PLAGL1: variants seen among roughly 807,000 people sequenced by gnomAD.
The protein encoded by PLAGL1 is PLAG1 like zinc finger 1.
A neutral mutation model predicts 4.6 loss-of-function variants in PLAGL1; 1 was observed. That is an observed-to-expected ratio of 0.22 (90% CI 0.08 to 1.03). The LOEUF (loss-of-function observed/expected upper bound fraction) is 1.03. Among genes scored for constraint, PLAGL1 ranks in the 50% least tolerant of loss-of-function variants. The pLI, the probability that PLAGL1 is intolerant of heterozygous loss-of-function variation, is 0.58. For synonymous variants in PLAGL1, 240 were observed against 237.8 expected, an observed-to-expected ratio of 1.01 and a Z score of -0.08; for missense variants, 464 against 570.4, an observed-to-expected ratio of 0.81 and a Z score of 1.90.
intron 1 of PLAGL1, among the ~76,000 whole-genome samples, chr6:144,043,353 A>G (rs1797883995): frequency 6.6e-6 from 1 of 152,202 alleles, no homozygotes; most frequent in Non-Finnish European, 1.5e-5. Context: ...TGTCCCATCA[A>G]TACCTAGTTT....
In PLAGL1 at chr6:143,982,365, G is replaced by T. The variant is rs904818676; in HGVS notation, c.-544+2770C>A. ...AACTCGATGCAGAAACAAGAAAACT[G>T]GTATGGCTAAAGCAGTCAGTGAAGG... On this transcript the variant is annotated intron_variant, in intron 2 of 7. Transcript: ENST00000674357. This position sits in a 1 kb window ranked among gnomAD's most constrained non-coding sequence, Gnocchi z 5.3. Among the ~76,000 whole-genome samples the T allele has an allele frequency of 6.6e-6, 1 of 152,060 alleles. No homozygotes were observed. The highest frequency in any genetic ancestry group is 1.5e-5 in the Non-Finnish European group (1 of 68,004).
At chr6:143,956,284 C>T (rs116869593) in intron 6 of PLAGL1, among the ~76,000 whole-genome samples, 81 of 152,284 alleles carry the variant, frequency 5.3e-4, no homozygotes, top group Non-Finnish European at 9.9e-4. Context: ...TGCAGCTAGA[C>T]TGAGACTCCC....
At position 143,975,274 on chromosome 6, in the gene PLAGL1, C is replaced by G. The variant is rs979064527; in HGVS notation, c.-543-6296G>C. ...AGTTTTTGAGGCCAATGGGTTGTAC[C>G]ACTTCCATTCAATGAGGTAGTTGCT... On this transcript the variant is annotated intron_variant, in intron 2 of 7. Transcript: ENST00000674357. This position sits in a 1 kb window ranked among gnomAD's most constrained non-coding sequence, Gnocchi z 5.8. 2.0e-5 allele frequency among the ~76,000 whole-genome samples: 3 copies of G among 152,126 alleles called. No individual in the cohort carries two copies. Among genetic ancestry groups the G allele is most frequent in the African/African-American group, 7.2e-5 (3 of 41,428 alleles).
rs1419872563 is a variant in PLAGL1, at chr6:144,064,328, C to A, written c.-151+140G>T. On this transcript the variant is annotated intron_variant, in intron 1 of 3. Transcript: ENST00000437412. This position sits in a 1 kb window ranked among gnomAD's most constrained non-coding sequence, Gnocchi z 6.8. ...GGCTACCTCGCCTGGCCCGCGGACT[C>A]CGCGCGGCACGTGGGCACCTGCGGC... 6.6e-6 allele frequency: 1 copy of A among 152,136 alleles called. No individual in the cohort carries two copies. Among genetic ancestry groups the A allele is most frequent in the African/African-American group, 2.4e-5 (1 of 41,412 alleles). The allele number at this position is 152,136 out of a possible 1,614,324, so 9.4% of individuals were successfully genotyped here. A position where few individuals can be genotyped will look rare whatever the true frequency, so the allele number is the denominator to read the frequency against.
chr6:144,008,425 C>G (rs568512232), upstream of PLAGL1: 7 of 151,906 alleles, frequency 4.6e-5, no homozygotes, highest in South Asian at 2.1e-4. The surrounding 1 kb of genome is among the most constrained non-coding windows in gnomAD (Gnocchi z 6.9). Context: ...ACGGCGCGGC[C>G]GCGAGGAGGG....
rs552927704 is a variant in PLAGL1, at chr6:143,958,021, G to A, written c.-325+2448C>T. 2.8e-4 allele frequency among the ~76,000 whole-genome samples: 43 copies of A among 152,302 alleles called. No homozygotes were observed. In the South Asian group the frequency reaches 7.5e-3, roughly 26 times the overall value. On this transcript the variant is annotated intron_variant, in intron 6 of 7. Transcript: ENST00000674357. The surrounding 1 kb of genome is among the most constrained non-coding windows in gnomAD (Gnocchi z 5.1). Reference sequence around the variant, plus strand: ...CAGAGGGGAGAACAGAGAAGAGCTCGGAGTCATGAAGCAGCATAGGGCAAT... The same window carrying A: ...CAGAGGGGAGAACAGAGAAGAGCTCAGAGTCATGAAGCAGCATAGGGCAAT...
chr6:144,045,688 G>A (rs938087169), intron 1 of PLAGL1, among the ~76,000 whole-genome samples: 2 of 152,150 alleles, frequency 1.3e-5, no homozygotes, highest in Non-Finnish European at 2.9e-5. Context: ...TTCTCAAGGA[G>A]TATCTTTGTG....
rs1788370677 is a variant in PLAGL1 at position 143,983,431 on chromosome 6, G to A, written c.-544+1704C>T. Among the ~76,000 whole-genome samples the A allele has an allele frequency of 2.0e-5, 3 of 152,140 alleles. No individual in the cohort carries two copies. The highest frequency in any genetic ancestry group is 6.6e-5 in the Admixed American group (1 of 15,252). ...CAGGGAGGTGGGAATGCATGATGCA[G>A]GAGAGAGAAGGGACAACTACTGTAG... On this transcript the variant is annotated intron_variant, in intron 2 of 7. Transcript: ENST00000674357. This position sits in a 1 kb window ranked among gnomAD's most constrained non-coding sequence, Gnocchi z 6.6.
Position 144,039,652 on chromosome 6 carries a change from G to A in PLAGL1, c.-151+24816C>T, listed in dbSNP as rs1370344205. Among the ~76,000 whole-genome samples the A allele has an allele frequency of 6.6e-6, 1 of 152,106 alleles. No individual in the cohort carries two copies. The highest frequency in any genetic ancestry group is 1.9e-4 in the East Asian group (1 of 5,196). On this transcript the variant is annotated intron_variant, in intron 1 of 3. Transcript: ENST00000437412. This position sits in a 1 kb window ranked among gnomAD's most constrained non-coding sequence, Gnocchi z 4.1. ...CCAAAAATGAAAAGGTTGACAAGGAGAGATTTACACTTCTGATAGGGGTAT... is the reference window on the plus strand; with the variant it reads ...CCAAAAATGAAAAGGTTGACAAGGAAAGATTTACACTTCTGATAGGGGTAT...
chr6:143,948,796 A>AAATG lies in PLAGL1; in HGVS notation c.-324-337_-324-336insCATT, dbSNP rs60686744. 3.3e-5 allele frequency among the ~76,000 whole-genome samples: 5 copies of AAATG among 151,470 alleles called. No homozygotes were observed. The highest frequency in any genetic ancestry group is 6.6e-5 in the Admixed American group (1 of 15,220). On this transcript the variant is annotated intron_variant, in intron 6 of 7. Coordinates refer to ENST00000674357, the MANE Select transcript of PLAGL1 (RefSeq NM_001317162.2). The surrounding 1 kb of genome is among the most constrained non-coding windows in gnomAD (Gnocchi z 6.0). ...AACAACAACAACAACAACAACAAAC[A>AAATG]AAAACCTCCCTCCCTCAGTGTGTTC...
At position 144,000,150 on chromosome 6, in the gene PLAGL1, C is replaced by T. The variant is rs530846305; in HGVS notation, c.-584+7940G>A. 6.6e-6 allele frequency among the ~76,000 whole-genome samples: 1 copy of T among 152,028 alleles called. No individual in the cohort carries two copies. The highest frequency in any genetic ancestry group is 1.5e-5 in the Non-Finnish European group (1 of 67,978). On this transcript the variant is annotated intron_variant, in intron 1 of 7. Coordinates refer to ENST00000674357, the MANE Select transcript of PLAGL1 (RefSeq NM_001317162.2). The surrounding 1 kb of genome is among the most constrained non-coding windows in gnomAD (Gnocchi z 4.1). ...CTAGAAGAAGAGAACTTTAAATATC[C>T]CGCAACAACATCACACTAAGCTTCA... is the stretch of plus-strand genomic sequence containing the variant.
At chr6:143,944,580 T>C (rs961332506) in intron 7 of PLAGL1, among the ~76,000 whole-genome samples, 17 of 152,076 alleles carry the variant, frequency 1.1e-4, no homozygotes, top group Non-Finnish European at 2.2e-4. Context: ...ACCAATACGA[T>C]GGGCATCTGA....
At chr6:144,035,366 C>T (rs1797144752) in intron 1 of PLAGL1, among the ~76,000 whole-genome samples, 1 of 152,196 alleles carries the variant, frequency 6.6e-6, no homozygotes, top group South Asian at 2.1e-4. Flanking sequence ...GTCCAAGAGT[C>T]CAAAAGCTGA....
rs1281508768 is a variant in PLAGL1 at position 144,027,263 on chromosome 6, G to GAA, written c.-151+37203_-151+37204dup. Among the ~76,000 whole-genome samples, 1 of 145,396 alleles carries GAA rather than the reference G, an allele frequency of 6.9e-6. No individual in the cohort carries two copies. Among genetic ancestry groups the GAA allele is most frequent in the East Asian group, 1.9e-4 (1 of 5,150 alleles). On this transcript the variant is annotated intron_variant, in intron 1 of 3. Coordinates refer to the PLAGL1 transcript ENST00000437412. The surrounding 1 kb of genome is among the most constrained non-coding windows in gnomAD (Gnocchi z 5.8). The stretch of plus-strand genomic sequence containing the variant: ...AGAAAGAAAGAAAGAAAGAAAGAAA[G>GAA]AAAGAAAGAAAGAAAGAAAGAAAGA...
intron 1 of PLAGL1, among the ~76,000 whole-genome samples, chr6:143,986,560 A>G (rs1258079857): frequency 6.6e-6 from 1 of 152,194 alleles, no homozygotes; most frequent in Non-Finnish European, 1.5e-5. Flanking sequence ...TGAACAGATA[A>G]AAGCTTCAAA....
In PLAGL1 at chr6:144,027,275, GAA is replaced by G. The variant is rs1452616847; in HGVS notation, c.-151+37191_-151+37192del. Among the ~76,000 whole-genome samples, 56 of 146,430 alleles carry G rather than the reference GAA, an allele frequency of 3.8e-4. 1 individual carries two copies. The highest frequency in any genetic ancestry group is 3.6e-3 in the Middle Eastern group (1 of 280). On this transcript the variant is annotated intron_variant, in intron 1 of 3. Transcript: ENST00000437412. The surrounding 1 kb of genome is among the most constrained non-coding windows in gnomAD (Gnocchi z 5.8). The stretch of plus-strand genomic sequence containing the variant: ...AGAAAGAAAGAAAGAAAGAAAGAAA[GAA>G]AGAAAGAAAGAAAGAAAGTTATTTG...
rs916164179 is a variant in PLAGL1 at position 143,966,478 on chromosome 6, G to A, written c.-471-280C>T. ...TCACAGAGCATTCTAAATCTTCCCT[G>A]ACTCAGCACAACATCTTTGTGCACT... On this transcript the variant is annotated intron_variant, in intron 3 of 7. Coordinates refer to ENST00000674357, the MANE Select transcript of PLAGL1 (RefSeq NM_001317162.2). This position sits in a 1 kb window ranked among gnomAD's most constrained non-coding sequence, Gnocchi z 6.0. 6.6e-6 allele frequency: 1 copy of A among 152,182 alleles called. No homozygotes were observed. The highest frequency in any genetic ancestry group is 6.5e-5 in the Admixed American group (1 of 15,282). The allele number at this position is 152,182 out of a possible 1,614,324, so 9.4% of individuals were successfully genotyped here. A position where few individuals can be genotyped will look rare whatever the true frequency, so the allele number is the denominator to read the frequency against.
At chr6:144,023,312 G>T (rs561954007) in intron 1 of PLAGL1, among the ~76,000 whole-genome samples, 1 of 152,164 alleles carries the variant, frequency 6.6e-6, no homozygotes, top group Admixed American at 6.5e-5. Flanking sequence ...TGATAACATA[G>T]TGGTGGATAC....
chr6:144,046,578 A>G (rs1183078584), intron 1 of PLAGL1, among the ~76,000 whole-genome samples: 1 of 152,050 alleles, frequency 6.6e-6, no homozygotes, highest in East Asian at 1.9e-4. Flanking sequence ...TCAGAGGGGC[A>G]CCTGGCTAAA....
Sources: gnomAD v4.1 joint callset for allele counts (sites outside exome capture counted in the v4.1 genomes callset) on GRCh38, gnomAD v4.1.1 for gene constraint, Gnocchi (gnomAD v3.1) non-coding constraint, MANE v1.5 for transcripts, NCBI Gene and HGNC (gene_info 2026-07-23, HGNC 2026-07-21) for gene names.